ARHGEF7: variants seen among roughly 807,000 people sequenced by gnomAD.
The protein encoded by ARHGEF7 is PAK-interacting exchange factor beta.
A neutral mutation model predicts 109.8 loss-of-function variants in ARHGEF7; 33 were observed. The observed-to-expected ratio is 0.30, with a 90% CI of 0.23 to 0.40. The LOEUF (loss-of-function observed/expected upper bound fraction) is 0.40, where lower values mean the gene tolerates loss of function less well. Ranked by LOEUF, ARHGEF7 falls within the 10% of genes least tolerant of loss-of-function variation. The pLI is 1.00. For synonymous variants in ARHGEF7, 458 were observed against 424.6 expected (o/e 1.08, Z -0.97); for missense variants, 938 against 1,098.5 (o/e 0.85, Z 2.07).
chr13:111,291,093 G>T (rs562673120), intron 18 of ARHGEF7, among the ~76,000 whole-genome samples: 47 of 152,350 alleles, frequency 3.1e-4, no homozygotes, highest in African/African-American at 1.1e-3. Flanking sequence ...TTATGATGTA[G>T]TTCTCGCAGT....
intron 5 of ARHGEF7, among the ~76,000 whole-genome samples, chr13:111,222,623 T>C (rs538461105): frequency 6.6e-6 from 1 of 152,110 alleles, no homozygotes; most frequent in South Asian, 2.1e-4. Context: ...AGAGATAGGG[T>C]TTTACCATGT....
At chr13:111,150,405 T>C (rs1476590158) in intron 1 of ARHGEF7, among the ~76,000 whole-genome samples, 4 of 152,240 alleles carry the variant, frequency 2.6e-5, no homozygotes, top group Admixed American at 2.0e-4. Context: ...AGGTTTTTGT[T>C]TGTGGGTTCT....
intron 2 of ARHGEF7, chr13:111,159,215 TC>T: frequency 1.6e-6 from 1 of 626,112 alleles, no homozygotes. Flanking sequence ...TAACAGGATT[TC>T]CTTTTTTTAA....
At position 111,273,435 on chromosome 13, in the gene ARHGEF7, G is replaced by T. The variant is rs985841268; in HGVS notation, c.1074-379G>T. ...TCTTTACCGGAGCAGCTCGGTCCTT[G>T]TTCTACCACCTTGAGACTCTGAGAT... On this transcript the variant is annotated intron_variant, in intron 9 of 21. Coordinates refer to ENST00000646102, the MANE Select transcript of ARHGEF7 (RefSeq NM_001354046.2). The surrounding 1 kb of genome is among the most constrained non-coding windows in gnomAD (Gnocchi z 4.5). 6.6e-6 allele frequency among the ~76,000 whole-genome samples: 1 copy of T among 152,194 alleles called. No homozygotes were observed. The highest frequency in any genetic ancestry group is 1.5e-5 in the Non-Finnish European group (1 of 68,038).
In ARHGEF7 at chr13:111,145,426, G is replaced by A. The variant is rs757391571; in HGVS notation, c.166-8479G>A. The stretch of plus-strand genomic sequence containing the variant: ...AAAGTCATTAACTCTCCCTGACCCC[G>A]AAGCGAAAGGTCAAGGGAAGGAGGG... On this transcript the variant is annotated intron_variant, in intron 1 of 21. Coordinates refer to ENST00000646102, the MANE Select transcript of ARHGEF7 (RefSeq NM_001354046.2). This position sits in a 1 kb window ranked among gnomAD's most constrained non-coding sequence, Gnocchi z 4.3. 2.0e-5 allele frequency among the ~76,000 whole-genome samples: 3 copies of A among 152,134 alleles called. No individual in the cohort carries two copies. The highest frequency in any genetic ancestry group is 7.2e-5 in the African/African-American group (3 of 41,414).
chr13:111,224,813 C>T (rs950502108), intron 5 of ARHGEF7, among the ~76,000 whole-genome samples: 6 of 152,222 alleles, frequency 3.9e-5, no homozygotes, highest in South Asian at 2.1e-4. Context: ...TGCCTTCCTT[C>T]GTGCCACTGG....
intron 10 of ARHGEF7, among the ~76,000 whole-genome samples, chr13:111,274,154 C>A (rs2092344826): frequency 6.6e-6 from 1 of 152,164 alleles, no homozygotes; most frequent in African/African-American, 2.4e-5. Flanking sequence ...CTCTTTTACC[C>A]ACTGCTGCTG....
At position 111,292,102 on chromosome 13, in the gene ARHGEF7, C is replaced by T. The variant is rs777204476; in HGVS notation, c.2135-16C>T. 11 of 1,609,094 alleles carry T rather than the reference C, an allele frequency of 6.8e-6. No individual in the cohort carries two copies. Among genetic ancestry groups the T allele is most frequent in the African/African-American group, 2.7e-5 (2 of 74,820 alleles). On this transcript the variant is annotated splice_polypyrimidine_tract_variant and intron_variant, in intron 18 of 21. Transcript: ENST00000646102. ...CCCCTGCCTGTCGCGCCTGTCCCTC[C>T]GCCCGCCCGTCTTAGCATGGCAAGG...
chr13:111,115,625 G>T lies in ARHGEF7; in HGVS notation c.99G>T (p.Ala33=). The change falls in exon 1 of 22, where the codon GCG becomes GCT. Residue 33 remains alanine, a synonymous_variant. Coordinates refer to ENST00000646102, the MANE Select transcript of ARHGEF7 (RefSeq NM_001354046.2). ...TISDPEGFLQ[A]SLKDGVVLCR... is the part of the protein sequence containing the mutation. ...CGGACCCGGAGGGCTTTCTGCAGGC[G>T]TCGCTGAAGGATGGGGTGGTCCTCT... 7.1e-7 allele frequency: 1 copy of T among 1,402,428 alleles called. No homozygotes were observed. The allele number at this position is 1,402,428 out of a possible 1,614,324, so 86.9% of individuals were successfully genotyped here. A position where few individuals can be genotyped will look rare whatever the true frequency, so the allele number is the denominator to read the frequency against.
intron 6 of ARHGEF7, among the ~76,000 whole-genome samples, chr13:111,235,559 C>T (rs959512826): frequency 2.0e-5 from 3 of 152,188 alleles, no homozygotes; most frequent in Admixed American, 6.5e-5. Flanking sequence ...GGTAAAATTA[C>T]AGTTGTTATA....
upstream of ARHGEF7, chr13:111,115,049 C>T (rs1238505618): frequency 1.3e-5 from 2 of 151,376 alleles, no homozygotes; most frequent in East Asian, 3.9e-4. Flanking sequence ...CACGGCGGGC[C>T]CGGGGCAGGT....
At chr13:111,163,079 G>C (rs1774738115) in intron 2 of ARHGEF7, among the ~76,000 whole-genome samples, 1 of 152,154 alleles carries the variant, frequency 6.6e-6, no homozygotes, top group Admixed American at 6.5e-5. Flanking sequence ...AGCGTGAAAC[G>C]GTTGGTCACA....
At chr13:111,217,633 G>T (rs369053545) in intron 4 of ARHGEF7, 46 bp from the exon 5 acceptor site, 1 of 1,506,428 alleles carries the variant, frequency 6.6e-7, no homozygotes, top group African/African-American at 1.4e-5. Flanking sequence ...TAATGAAGTA[G>T]ACTGTTCTTG....
chr13:111,251,612 GACTTATA>G (rs1174638922), intron 8 of ARHGEF7, among the ~76,000 whole-genome samples: 1 of 152,208 alleles, frequency 6.6e-6, no homozygotes, highest in East Asian at 1.9e-4. Flanking sequence ...AAAAGCCACT[GACTTATA>G]ATCATTCAGT....
chr13:111,177,391 C>T (rs2078273410), intron 2 of ARHGEF7, among the ~76,000 whole-genome samples: 1 of 152,212 alleles, frequency 6.6e-6, no homozygotes, highest in East Asian at 1.9e-4. Context: ...GGTCAAGGCC[C>T]ATTGGTCATT....
chr13:111,156,573 C>A (rs1008978286), intron 2 of ARHGEF7, among the ~76,000 whole-genome samples: 1 of 152,228 alleles, frequency 6.6e-6, no homozygotes, highest in African/African-American at 2.4e-5. Flanking sequence ...ATTTTGTATG[C>A]TATGCATCCA....
At chr13:111,264,478 C>T (rs915859547) in intron 8 of ARHGEF7, among the ~76,000 whole-genome samples, 1 of 152,128 alleles carries the variant, frequency 6.6e-6, no homozygotes, top group Non-Finnish European at 1.5e-5. Context: ...CTATATGTCA[C>T]CGCCACCGAC....
At chr13:111,281,718 C>A (rs2092788069) in intron 15 of ARHGEF7, among the ~76,000 whole-genome samples, 1 of 152,172 alleles carries the variant, frequency 6.6e-6, no homozygotes. Flanking sequence ...TCAACAGCAG[C>A]CTGAAACTCT....
intron 9 of ARHGEF7, 109 bp downstream of exon 9, chr13:111,267,779 G>A (rs1284381434): frequency 3.0e-6 from 4 of 1,333,286 alleles, no homozygotes; most frequent in Non-Finnish European, 4.1e-6. Flanking sequence ...TAAAGGGTAT[G>A]AATTTTAATT....
Sources: allele counts gnomAD v4.1 joint callset (sites outside exome capture counted in the v4.1 genomes callset), GRCh38; gene constraint gnomAD v4.1.1; non-coding constraint Gnocchi (gnomAD v3.1); transcripts MANE v1.5; gene names NCBI Gene and HGNC (gene_info 2026-07-23, HGNC 2026-07-21).